The following ZNF66 variants were observed in gnomAD, a reference collection of about 807,000 sequenced individuals.
The protein encoded by ZNF66 is putative zinc finger protein 66.
In ZNF66, 32 loss-of-function variants were observed where a neutral mutation model predicts 35.2. That is an observed-to-expected ratio of 0.91 (90% CI 0.69 to 1.22). The LOEUF (loss-of-function observed/expected upper bound fraction) is 1.22. Among genes scored for constraint, ZNF66 ranks in the 50% most tolerant of loss-of-function variants. The pLI is 0.00. For missense variants in ZNF66, 666 were observed against 543.1 expected, an observed-to-expected ratio of 1.23 and a Z score of -2.25; for synonymous variants, 231 against 181.3, an observed-to-expected ratio of 1.27 and a Z score of -2.20.
At chr19:20,787,368 C>T (rs796819386) in intron 1 of ZNF66, among the ~76,000 whole-genome samples, 3 of 152,204 alleles carry the variant, frequency 2.0e-5, no homozygotes, top group African/African-American at 7.2e-5. Flanking sequence ...CTAGAGCAGC[C>T]TTCATGAGGG....
At chr19:20,794,001 T>TTTTTTG in intron 3 of ZNF66, 123 bp downstream of exon 3, 1 of 532,422 alleles carries the variant, frequency 1.9e-6, no homozygotes, top group Non-Finnish European at 3.3e-6. Context: ...GGGCAGCTGT[T>TTTTTTG]TTTTTTGTTT....
At position 20,809,582 on chromosome 19, in the gene ZNF66, G is replaced by C. The variant is rs1251253221; in HGVS notation, c.*2260G>C. Among the ~76,000 whole-genome samples, 1 of 151,700 alleles carries C rather than the reference G, an allele frequency of 6.6e-6. No individual in the cohort carries two copies. The highest frequency in any genetic ancestry group is 1.5e-5 in the Non-Finnish European group (1 of 67,892). The stretch of plus-strand genomic sequence containing the variant: ...AGAATTTCATATCCAGCCAAACTAA[G>C]CTTCATAAGTGAAGGAGAAATAAAA... On this transcript the variant is annotated 3_prime_UTR_variant, in exon 4 of 4. Coordinates refer to ENST00000344519, the MANE Select transcript of ZNF66 (RefSeq NM_001355197.2).
intron 1 of ZNF66, among the ~76,000 whole-genome samples, chr19:20,788,714 ATTTC>A (rs1444661801): frequency 6.6e-6 from 1 of 151,836 alleles, no homozygotes; most frequent in Non-Finnish European, 1.5e-5. Context: ...TATAATTTCT[ATTTC>A]TTTTACCTTG....
chr19:20,803,449 A>T (rs927531758), intron 3 of ZNF66, among the ~76,000 whole-genome samples: 6 of 152,016 alleles, frequency 3.9e-5, no homozygotes, highest in African/African-American at 1.4e-4. Flanking sequence ...AAATGTGGTA[A>T]AAAATCAACT....
intron 1 of ZNF66, 33 bp from the exon 2 acceptor site, chr19:20,792,479 C>T: frequency 6.8e-7 from 1 of 1,474,122 alleles, no homozygotes; most frequent in Non-Finnish European, 9.3e-7. Context: ...CCCATAACCA[C>T]TTGGTGAAAA....
At chr19:20,787,009 C>A (rs1971292772) in intron 1 of ZNF66, among the ~76,000 whole-genome samples, 1 of 152,178 alleles carries the variant, frequency 6.6e-6, no homozygotes, top group Non-Finnish European at 1.5e-5. Context: ...GATCTGCCCA[C>A]CTCGGCCTCC....
chr19:20,789,633 T>C (rs1971318196), intron 1 of ZNF66, among the ~76,000 whole-genome samples: 1 of 152,182 alleles, frequency 6.6e-6, no homozygotes, highest in Non-Finnish European at 1.5e-5. Context: ...TTTCTGTATC[T>C]CTTTCATCTG....
At position 20,797,448 on chromosome 19, in the gene ZNF66, C is replaced by T. The variant is rs569778768; in HGVS notation, c.226+3570C>T. Among the ~76,000 whole-genome samples the T allele has an allele frequency of 1.1e-3, 137 of 123,936 alleles. 1 individual carries two copies. Among genetic ancestry groups the T allele is most frequent in the Non-Finnish European group, 1.9e-3 (105 of 55,016 alleles). 81.3% of individuals were successfully genotyped at this position (123,936 alleles called of 152,430 possible). A position where few individuals can be genotyped will look rare whatever the true frequency, so the allele number is the denominator to read the frequency against. ...GTCTCGATCTCCTGACCTCGTGATCCGCCCGCCTCGGCCTCCCAAAGTGCT... is the reference window on the plus strand; with the variant it reads ...GTCTCGATCTCCTGACCTCGTGATCTGCCCGCCTCGGCCTCCCAAAGTGCT... On this transcript the variant is annotated intron_variant, in intron 3 of 3. Coordinates refer to ENST00000344519, the MANE Select transcript of ZNF66 (RefSeq NM_001355197.2).
At chr19:20,798,555 C>T (rs898140605) in intron 3 of ZNF66, among the ~76,000 whole-genome samples, 3 of 151,902 alleles carry the variant, frequency 2.0e-5, no homozygotes, top group Admixed American at 6.6e-5. Context: ...AGTGAGACCC[C>T]GTCTCAAAAA....
At position 20,792,217 on chromosome 19, in the gene ZNF66, A is replaced by G. The variant is rs572863347; in HGVS notation, c.4-295A>G. Among the ~76,000 whole-genome samples, 100 of 152,340 alleles carry G rather than the reference A, an allele frequency of 6.6e-4. 1 individual carries two copies. Among genetic ancestry groups the G allele is most frequent in the African/African-American group, 2.3e-3 (97 of 41,582 alleles). ...GAAAAATATTCACAACTCATTCCAT[A>G]TGATGTAAATATAGCACTCAAAAAT... On this transcript the variant is annotated intron_variant, in intron 1 of 3. Transcript: ENST00000344519.
intron 3 of ZNF66, among the ~76,000 whole-genome samples, chr19:20,801,307 AT>A (rs1232310479): frequency 7.1e-6 from 1 of 141,086 alleles, no homozygotes; most frequent in Non-Finnish European, 1.6e-5. Flanking sequence ...TTTTTTTAAT[AT>A]TTTCATTATG....
rs374547894 is a variant in ZNF66, at chr19:20,799,061, C to CTTTTTTTTTTTTTTTTTTTTTTTTGTTTT, written c.226+5186_226+5187insTTTTTTTTTTTTTTTTTTTTTGTTTTTTT. The CTTTTTTTTTTTTTTTTTTTTTTTTGTTTT allele has an allele frequency of 1.7e-5, 2 of 116,702 alleles. 1 individual carries two copies. 7.2% of individuals were successfully genotyped at this position (116,702 alleles called of 1,614,324 possible). A position where few individuals can be genotyped will look rare whatever the true frequency, so the allele number is the denominator to read the frequency against. ...TTTCTTTCTTTCTTTCTTTTTCTTT[C>CTTTTTTTTTTTTTTTTTTTTTTTTGTTTT]TTTCTTTTTTTTTTTTTTGAGATGG... On this transcript the variant is annotated intron_variant, in intron 3 of 3. Transcript: ENST00000344519.
At chr19:20,794,126 C>T in intron 3 of ZNF66, 1 of 562,320 alleles carries the variant, frequency 1.8e-6, no homozygotes, top group East Asian at 3.6e-5. Flanking sequence ...TTCACATTCA[C>T]AGTGAGAGCC....
intron 1 of ZNF66, among the ~76,000 whole-genome samples, chr19:20,777,452 ATTTTTTTTTT>A (rs756548895): frequency 2.4e-5 from 3 of 123,148 alleles, no homozygotes; most frequent in Non-Finnish European, 3.3e-5. Context: ...TTGAGCTTAG[ATTTTTTTTTT>A]TTTTTTTTTT....
Position 20,806,465 on chromosome 19 carries a change from G to A in ZNF66, c.865G>A (p.Glu289Lys). 2 of 1,539,620 alleles carry A rather than the reference G, an allele frequency of 1.3e-6. No individual in the cohort carries two copies. Among genetic ancestry groups the A allele is most frequent in the Non-Finnish European group, 1.8e-6 (2 of 1,112,970 alleles). Residue 289 changes from glutamate to lysine, a missense_variant, in exon 4 of 4, where the codon GAA becomes AAA. Transcript: ENST00000344519. ...TGGAGAGAAACCCTACAAATGTGAA[G>A]AATGTGGCAAAGTTTTTAAGTACCT... is the stretch of plus-strand genomic sequence containing the variant. ...HTGEKPYKCE[E>K]CGKVFKYLSS... is the part of the protein sequence containing the mutation.
intron 1 of ZNF66, among the ~76,000 whole-genome samples, chr19:20,783,418 T>C (rs770605127): frequency 6.6e-6 from 1 of 152,238 alleles, no homozygotes; most frequent in Non-Finnish European, 1.5e-5. Context: ...ATGTAAATCA[T>C]ATTAACAGCT....
In ZNF66 at chr19:20,807,197, G is replaced by A; in HGVS notation, c.1597G>A (p.Gly533Arg). 1 of 732,754 alleles carries A rather than the reference G, an allele frequency of 1.4e-6. No individual in the cohort carries two copies. Among genetic ancestry groups the A allele is most frequent in the Non-Finnish European group, 2.4e-6 (1 of 412,868 alleles). 45.4% of individuals were successfully genotyped at this position (732,754 alleles called of 1,614,324 possible). ...TLTRHKKIHT[G>R]GKPHKCNKCG... is the part of the protein sequence containing the mutation. ...TACTAGACATAAGAAAATTCATACT[G>A]GAGGGAAACCACACAAGTGCAATAA... Residue 533 changes from glycine to arginine, a missense_variant, in exon 4 of 4, where the codon GGA becomes AGA. Physicochemically the swap from Gly to Arg is moderately radical, Grantham distance 125. Coordinates refer to ENST00000344519, the MANE Select transcript of ZNF66 (RefSeq NM_001355197.2).
chr19:20,776,808 C>T (rs1971199235), intron 1 of ZNF66, among the ~76,000 whole-genome samples: 1 of 152,092 alleles, frequency 6.6e-6, no homozygotes, highest in South Asian at 2.1e-4. Flanking sequence ...CACAGTTTCT[C>T]TTTTCTGCTA....
intron 1 of ZNF66, among the ~76,000 whole-genome samples, chr19:20,788,586 G>A (rs1971308102): frequency 1.3e-5 from 2 of 151,884 alleles, no homozygotes; most frequent in Non-Finnish European, 2.9e-5. Context: ...TGCATTTTTA[G>A]TAGAGACAGG....
Sources: gnomAD v4.1 joint callset for allele counts (sites outside exome capture counted in the v4.1 genomes callset) on GRCh38, gnomAD v4.1.1 for gene constraint, MANE v1.5 for transcripts, NCBI Gene and HGNC (gene_info 2026-07-23, HGNC 2026-07-21) for gene names.